Variants in CDK5RAP2 observed in about 807,000 individuals in gnomAD.
CDK5RAP2 encodes the protein CDK5 regulatory subunit associated protein 2.
Under a neutral mutation model 232.9 loss-of-function variants are expected in CDK5RAP2, and 147 were observed. That is an observed-to-expected ratio of 0.63 (90% CI 0.55 to 0.72). CDK5RAP2 has a LOEUF of 0.72. Among genes scored for constraint, CDK5RAP2 ranks in the 30% least tolerant of loss-of-function variants. The probability of loss-of-function intolerance (pLI) is 0.00; values close to 1 mark genes in which losing one functional copy is unlikely to be tolerated. For missense variants in CDK5RAP2, 2,195 were observed against 2,231.5 expected, an observed-to-expected ratio of 0.98 and a Z score of 0.33; for synonymous variants, 833 against 833.7, an observed-to-expected ratio of 1.00 and a Z score of 0.01.
intron 25 of CDK5RAP2, among the ~76,000 whole-genome samples, chr9:120,436,875 T>C (rs529894976): frequency 1.3e-5 from 2 of 152,302 alleles, no homozygotes; most frequent in Admixed American, 6.5e-5. Flanking sequence ...ATAAAAATTT[T>C]GCTTGGTTGA....
chr9:120,491,222 T>C, intron 13 of CDK5RAP2, 85 bp downstream of exon 13: 1 of 1,024,044 alleles, frequency 9.8e-7, no homozygotes, highest in Non-Finnish European at 1.5e-6. Context: ...ATTACTGTAA[T>C]CATAAATATT....
At chr9:120,395,395 A>G (rs1484803037) in intron 35 of CDK5RAP2, among the ~76,000 whole-genome samples, 1 of 152,264 alleles carries the variant, frequency 6.6e-6, no homozygotes, top group Admixed American at 6.5e-5. Context: ...TAAAAGTATT[A>G]CTAGGAAAGT....
chr9:120,443,712 T>G lies in CDK5RAP2; in HGVS notation c.3056A>C (p.Asp1019Ala). ...AATTCCTTTCTGCTCTCCTGGGCTG[T>G]CCTGGTAGGCTGCTCCCACAGGGGG... ...AQPPVGAAYQ[D>A]SPGEQKGIKT... Residue 1019 changes from aspartate to alanine, a missense_variant, in exon 23 of 38, where the codon GAC (aspartate) becomes GCC (alanine). Coordinates refer to ENST00000349780, the MANE Select transcript of CDK5RAP2 (RefSeq NM_018249.6). 1 of 1,614,100 alleles carries G rather than the reference T, an allele frequency of 6.2e-7. No individual in the cohort carries two copies. The highest frequency in any genetic ancestry group is 8.5e-7 in the Non-Finnish European group (1 of 1,179,994).
In CDK5RAP2 at chr9:120,550,872, T is replaced by TA. The variant is rs1164258901; in HGVS notation, c.225dup (p.Asn76Ter). On this transcript the variant is annotated frameshift_variant, in exon 4 of 38. Transcript: ENST00000349780. LOFTEE classifies it high-confidence loss of function. Reference sequence around the variant, plus strand: ...AGGAAATAGATGCGGAGCTTTAGGTTAAAGTTTTCTTTCTTCAATTCAGTG... The same window carrying TA: ...AGGAAATAGATGCGGAGCTTTAGGTTAAAAGTTTTCTTTCTTCAATTCAGTG... The TA allele has an allele frequency of 6.2e-7, 1 of 1,612,724 alleles. No individual in the cohort carries two copies. Among genetic ancestry groups the TA allele is most frequent in the Non-Finnish European group, 8.5e-7 (1 of 1,178,724 alleles).
intron 5 of CDK5RAP2, among the ~76,000 whole-genome samples, chr9:120,543,184 TG>T (rs1454317941): frequency 6.6e-6 from 1 of 152,172 alleles, no homozygotes; most frequent in Non-Finnish European, 1.5e-5. Flanking sequence ...GCTTCCCAAA[TG>T]TCTGATTCAC....
intron 25 of CDK5RAP2, among the ~76,000 whole-genome samples, chr9:120,426,777 T>C (rs1026393083): frequency 1.3e-5 from 2 of 152,206 alleles, no homozygotes; most frequent in African/African-American, 4.8e-5. Flanking sequence ...TACAATACTT[T>C]GATTTCTTTC....
In CDK5RAP2 at chr9:120,437,734, G is replaced by A. The variant is rs1399252459; in HGVS notation, c.3723-207C>T. ...CAAAGGCTGGAACAAAGATTCTTCTGCAACATTTTTAACCTTATAAAGCCC... is the reference window on the plus strand; with the variant it reads ...CAAAGGCTGGAACAAAGATTCTTCTACAACATTTTTAACCTTATAAAGCCC... On this transcript the variant is annotated intron_variant, in intron 24 of 37. Coordinates refer to ENST00000349780, the MANE Select transcript of CDK5RAP2 (RefSeq NM_018249.6). Among the ~76,000 whole-genome samples, 3 of 152,154 alleles carry A rather than the reference G, an allele frequency of 2.0e-5. No homozygotes were observed. In the East Asian group the frequency reaches 5.8e-4, roughly 29 times the overall value.
intron 3 of CDK5RAP2, among the ~76,000 whole-genome samples, chr9:120,561,105 C>T (rs973745257): frequency 2.0e-5 from 3 of 152,118 alleles, no homozygotes; most frequent in Admixed American, 2.0e-4. Context: ...AAACCATGAA[C>T]TTGGCTACCC....
chr9:120,431,323 C>T (rs1009413940), intron 25 of CDK5RAP2, among the ~76,000 whole-genome samples: 6 of 152,058 alleles, frequency 3.9e-5, no homozygotes, highest in Non-Finnish European at 5.9e-5. Flanking sequence ...GTGAAAAGCA[C>T]GATATCATGG....
chr9:120,527,725 T>C lies in CDK5RAP2; in HGVS notation c.999+81A>G, dbSNP rs1021220394. On this transcript the variant is annotated intron_variant, in intron 10 of 37. Transcript: ENST00000349780. ...TCAGCTCTCTTATAAACTTTTTATC[T>C]GAAGCTAAAAATTCAGGGTAGGACA... The C allele has an allele frequency of 7.9e-6, 12 of 1,518,834 alleles. No individual in the cohort carries two copies. In the African/African-American group the frequency reaches 1.7e-4, roughly 21 times the overall value. The allele number at this position is 1,518,834 out of a possible 1,614,324, so 94.1% of individuals were successfully genotyped here.
intron 12 of CDK5RAP2, among the ~76,000 whole-genome samples, chr9:120,491,775 T>C (rs1340188798): frequency 6.6e-6 from 1 of 152,144 alleles, no homozygotes; most frequent in Admixed American, 6.5e-5. Flanking sequence ...GAGTACGGTA[T>C]TTAAAAAACA....
rs1362282328 is a variant in CDK5RAP2, at chr9:120,403,338, C to T, written c.5042-267G>A. ...CACTCGGCAGAAGACCCCAGATTCACAAGGATGACTCAAGCTGGTGCCTGC... is the reference window on the plus strand; with the variant it reads ...CACTCGGCAGAAGACCCCAGATTCATAAGGATGACTCAAGCTGGTGCCTGC... On this transcript the variant is annotated intron_variant, in intron 33 of 37. Coordinates refer to ENST00000349780, the MANE Select transcript of CDK5RAP2 (RefSeq NM_018249.6). The surrounding 1 kb of genome is among the most constrained non-coding windows in gnomAD (Gnocchi z 4.2). 3 of 480,404 alleles carry T rather than the reference C, an allele frequency of 6.2e-6. No individual in the cohort carries two copies. Among genetic ancestry groups the T allele is most frequent in the African/African-American group, 5.9e-5 (3 of 51,152 alleles). 29.8% of individuals were successfully genotyped at this position (480,404 alleles called of 1,614,324 possible). A position where few individuals can be genotyped will look rare whatever the true frequency, so the allele number is the denominator to read the frequency against.
rs1214844639 is a variant in CDK5RAP2 at position 120,550,461 on chromosome 9, G to A, written c.306+331C>T. 2.6e-5 allele frequency among the ~76,000 whole-genome samples: 4 copies of A among 152,156 alleles called. No homozygotes were observed. The East Asian group carries it at 7.7e-4, about 29-fold the overall frequency. On this transcript the variant is annotated intron_variant, in intron 4 of 37. Coordinates refer to ENST00000349780, the MANE Select transcript of CDK5RAP2 (RefSeq NM_018249.6). ...TTGCCTAAGTTACACAAGTTACCTG[G>A]TAACAGTAGAATTCAACTCCAAAAC... is the stretch of plus-strand genomic sequence containing the variant.
At chr9:120,540,210 ACT>A (rs1488770017) in intron 5 of CDK5RAP2, among the ~76,000 whole-genome samples, 3 of 152,244 alleles carry the variant, frequency 2.0e-5, no homozygotes, top group Non-Finnish European at 2.9e-5. Context: ...GTCGGACATG[ACT>A]CTGTAAGACT....
chr9:120,468,106 C>T (rs996523429), intron 17 of CDK5RAP2, 109 bp from the exon 18 acceptor site: 16 of 1,075,242 alleles, frequency 1.5e-5, no homozygotes, highest in African/African-American at 3.1e-5. Flanking sequence ...ACCACAGTTA[C>T]GGGGAATCAG....
intron 25 of CDK5RAP2, among the ~76,000 whole-genome samples, chr9:120,423,159 T>C (rs1371001053): frequency 1.3e-5 from 2 of 152,198 alleles, no homozygotes; most frequent in African/African-American, 4.8e-5. Flanking sequence ...GAAGATACCA[T>C]ATTACAACAT....
intron 14 of CDK5RAP2, among the ~76,000 whole-genome samples, chr9:120,479,441 A>G (rs1000705317): frequency 8.5e-5 from 13 of 152,228 alleles, no homozygotes; most frequent in Admixed American, 7.9e-4. Flanking sequence ...GGAAAAAAGC[A>G]TAACTAGACA....
At chr9:120,389,829 A>G (rs1270810164) in intron 36 of CDK5RAP2, 42 bp from the exon 37 acceptor site, 9 of 1,590,044 alleles carry the variant, frequency 5.7e-6, no homozygotes, top group Non-Finnish European at 6.0e-6. Flanking sequence ...GGCCATGGAT[A>G]TCCAGGAGAG....
chr9:120,454,415 A>T (rs1373135953), intron 20 of CDK5RAP2, among the ~76,000 whole-genome samples: 1 of 152,242 alleles, frequency 6.6e-6, no homozygotes, highest in Non-Finnish European at 1.5e-5. Context: ...TAGAAAGCGC[A>T]TTGGCTCTGA....
Sources: allele counts gnomAD v4.1 joint callset (sites outside exome capture counted in the v4.1 genomes callset), GRCh38; gene constraint gnomAD v4.1.1; non-coding constraint Gnocchi (gnomAD v3.1); transcripts MANE v1.5; gene names NCBI Gene and HGNC (gene_info 2026-07-23, HGNC 2026-07-21).